Variants in FAM13A observed in about 807,000 individuals in gnomAD.
FAM13A encodes the protein protein FAM13A.
FAM13A carries 76 observed loss-of-function variants against 129.6 expected under a neutral mutation model. The observed-to-expected ratio is 0.59, with a 90% confidence interval of 0.49 to 0.71. The LOEUF (loss-of-function observed/expected upper bound fraction) is 0.71. Among genes scored for constraint, FAM13A ranks in the 30% least tolerant of loss-of-function variants. The probability of loss-of-function intolerance (pLI) is 0.00; values close to 1 mark genes in which losing one functional copy is unlikely to be tolerated. For missense variants in FAM13A, 1,108 were observed against 1,249.3 expected (o/e 0.89, Z 1.70); for synonymous variants, 443 against 449.9 (o/e 0.98, Z 0.20).
chr4:88,841,261 C>T (rs952172524), intron 7 of FAM13A, among the ~76,000 whole-genome samples: 2 of 152,038 alleles, frequency 1.3e-5, no homozygotes, highest in African/African-American at 4.8e-5. Context: ...TTTGGGAGGC[C>T]TAGCTGGGCC....
chr4:88,826,263 T>C (rs1334144526), intron 7 of FAM13A, among the ~76,000 whole-genome samples: 4 of 151,018 alleles, frequency 2.6e-5, no homozygotes, highest in East Asian at 2.0e-4. Flanking sequence ...AACTGTTTTG[T>C]GATGTCCACA....
chr4:88,994,554 A>C (rs1048360823), intron 3 of FAM13A, among the ~76,000 whole-genome samples: 1 of 152,156 alleles, frequency 6.6e-6, no homozygotes, highest in African/African-American at 2.4e-5. Flanking sequence ...GGCTCATAAT[A>C]ATTGGCAGGG....
At chr4:88,948,676 G>T (rs1044335833) in intron 4 of FAM13A, among the ~76,000 whole-genome samples, 1 of 151,886 alleles carries the variant, frequency 6.6e-6, no homozygotes, top group Admixed American at 6.6e-5. Flanking sequence ...TTTAGTAGAG[G>T]CGGGGTTTCA....
intron 5 of FAM13A, among the ~76,000 whole-genome samples, chr4:88,934,349 C>T (rs1224826250): frequency 6.6e-6 from 1 of 152,056 alleles, no homozygotes; most frequent in Non-Finnish European, 1.5e-5. Flanking sequence ...ATCTATTGTT[C>T]AGTATGCCTA....
intron 7 of FAM13A, among the ~76,000 whole-genome samples, chr4:88,817,800 G>A (rs931353455): frequency 1.3e-5 from 2 of 152,126 alleles, no homozygotes; most frequent in South Asian, 2.1e-4. Context: ...ATATTGATGC[G>A]ATGAAATGCA....
At chr4:89,051,958 T>C (rs1771649073) in intron 1 of FAM13A, among the ~76,000 whole-genome samples, 1 of 152,170 alleles carries the variant, frequency 6.6e-6, no homozygotes, top group Admixed American at 6.5e-5. Flanking sequence ...CCCCCATGGC[T>C]TTGGTGGGTT....
intron 14 of FAM13A, among the ~76,000 whole-genome samples, chr4:88,751,206 C>T (rs1371785268): frequency 1.3e-5 from 2 of 152,146 alleles, no homozygotes; most frequent in African/African-American, 4.8e-5. Flanking sequence ...TGCGCCACTG[C>T]ACTCCAGCCT....
At chr4:89,013,856 A>G (rs1766084625) in intron 3 of FAM13A, among the ~76,000 whole-genome samples, 1 of 152,220 alleles carries the variant, frequency 6.6e-6, no homozygotes, top group Non-Finnish European at 1.5e-5. Flanking sequence ...ATTCCCAGCC[A>G]GAGCCACTGT....
At chr4:88,853,999 C>T (rs553652821) in intron 6 of FAM13A, among the ~76,000 whole-genome samples, 79 of 152,308 alleles carry the variant, frequency 5.2e-4, no homozygotes, top group African/African-American at 1.8e-3. Flanking sequence ...TTGAAGGCTC[C>T]ACTATCGGCT....
intron 5 of FAM13A, among the ~76,000 whole-genome samples, chr4:88,935,518 T>C (rs1171269067): frequency 6.6e-6 from 1 of 152,154 alleles, no homozygotes; most frequent in Non-Finnish European, 1.5e-5. Flanking sequence ...TTCCTATCTT[T>C]ATATTCATCC....
intron 1 of FAM13A, among the ~76,000 whole-genome samples, chr4:89,055,159 GT>G (rs1455897034): frequency 1.3e-5 from 2 of 152,174 alleles, no homozygotes; most frequent in Non-Finnish European, 2.9e-5. Flanking sequence ...AAAGTAAAAA[GT>G]AGTGTATCAG....
intron 4 of FAM13A, among the ~76,000 whole-genome samples, chr4:88,965,169 A>T (rs1015023725): frequency 2.0e-5 from 3 of 152,224 alleles, no homozygotes; most frequent in Non-Finnish European, 4.4e-5. Flanking sequence ...GTTACAGACA[A>T]TGAGCATTAG....
At position 89,003,889 on chromosome 4, in the gene FAM13A, A is replaced by G. The variant is rs184707561; in HGVS notation, c.428-12739T>C. 1.8e-4 allele frequency among the ~76,000 whole-genome samples: 27 copies of G among 151,488 alleles called. No individual in the cohort carries two copies. In the East Asian group the frequency reaches 5.0e-3, roughly 28 times the overall value. The stretch of plus-strand genomic sequence containing the variant: ...TCAAGATTTAACACTATATTATCAA[A>G]TGGAAGCAAATACCAAAACAATAGC... On this transcript the variant is annotated intron_variant, in intron 3 of 23. Transcript: ENST00000264344.
At chr4:88,899,072 CTGTGTGTA>C (rs1300123140) in intron 6 of FAM13A, among the ~76,000 whole-genome samples, 7 of 151,202 alleles carry the variant, frequency 4.6e-5, no homozygotes, top group Non-Finnish European at 7.4e-5. Flanking sequence ...GTGTGTGTGT[CTGTGTGTA>C]TGTGTGTGTA....
At chr4:88,953,580 C>T (rs1021899798) in intron 4 of FAM13A, among the ~76,000 whole-genome samples, 12 of 152,142 alleles carry the variant, frequency 7.9e-5, no homozygotes, top group Middle Eastern at 3.2e-3. Context: ...AACAGATCTC[C>T]AGAACCTTTT....
chr4:88,852,438 A>C (rs138815430), intron 6 of FAM13A, among the ~76,000 whole-genome samples: 1 of 152,324 alleles, frequency 6.6e-6, no homozygotes, highest in Non-Finnish European at 1.5e-5. Flanking sequence ...CTGGGATTAC[A>C]GGCTTGAGCC....
chr4:88,980,760 C>A (rs943358058), intron 4 of FAM13A, among the ~76,000 whole-genome samples: 1 of 152,082 alleles, frequency 6.6e-6, no homozygotes, highest in Non-Finnish European at 1.5e-5. Context: ...GGGTTACAAA[C>A]CAAATATAGC....
intron 4 of FAM13A, among the ~76,000 whole-genome samples, chr4:88,956,045 G>A (rs185297646): frequency 7.6e-4 from 115 of 152,162 alleles, no homozygotes; most frequent in African/African-American, 2.7e-3. Flanking sequence ...ATTTATTATG[G>A]GAGAAAGAAT....
chr4:88,788,648 G>T (rs1724476030), intron 9 of FAM13A, among the ~76,000 whole-genome samples: 2 of 152,086 alleles, frequency 1.3e-5, no homozygotes, highest in South Asian at 2.1e-4. Context: ...AGCTAGAAAT[G>T]GAATCATTTT....
Sources: allele counts gnomAD v4.1 joint callset (sites outside exome capture counted in the v4.1 genomes callset), GRCh38; gene constraint gnomAD v4.1.1; transcripts MANE v1.5; gene names NCBI Gene and HGNC (gene_info 2026-07-23, HGNC 2026-07-21).